The following NAALADL2 variants were observed in gnomAD, a reference collection of about 807,000 sequenced individuals.
NAALADL2 encodes inactive N-acetylated-alpha-linked acidic dipeptidase-like protein 2.
A neutral mutation model predicts 87.2 loss-of-function variants in NAALADL2; 76 were observed. The observed-to-expected ratio is 0.87, with a 90% CI of 0.72 to 1.05. The LOEUF is 1.05. Among genes scored for constraint, NAALADL2 ranks in the 50% least tolerant of loss-of-function variants. The pLI is 0.00. For missense variants in NAALADL2, 1,089 were observed against 945.8 expected, an observed-to-expected ratio of 1.15 and a Z score of -1.99; for synonymous variants, 354 against 331.0, an observed-to-expected ratio of 1.07 and a Z score of -0.75.
chr3:175,362,030 G>A (rs1419359324), intron 5 of NAALADL2, among the ~76,000 whole-genome samples: 1 of 148,048 alleles, frequency 6.8e-6, no homozygotes, highest in African/African-American at 2.5e-5. Context: ...AATCCATCTT[G>A]AATTAATTTT....
chr3:174,696,843 A>G (rs1729065851), intron 2 of NAALADL2, among the ~76,000 whole-genome samples: 1 of 152,038 alleles, frequency 6.6e-6, no homozygotes, highest in Non-Finnish European at 1.5e-5. Context: ...TTAACTCCTC[A>G]ACATGGCTCA....
At chr3:175,017,659 A>G (rs1018495482) in intron 1 of NAALADL2, among the ~76,000 whole-genome samples, 5 of 152,104 alleles carry the variant, frequency 3.3e-5, no homozygotes, top group African/African-American at 1.2e-4. Flanking sequence ...CTAAAAATAG[A>G]AATATGCCAG....
chr3:175,423,051 A>ATATATATATATATTT (rs1458599872), intron 5 of NAALADL2, among the ~76,000 whole-genome samples: 3 of 91,510 alleles, frequency 3.3e-5, no homozygotes, highest in African/African-American at 1.3e-4. Flanking sequence ...ATATATATAT[A>ATATATATATATATTT]TTTTTTTTTT....
At chr3:175,340,934 G>A (rs1277524996) in intron 5 of NAALADL2, among the ~76,000 whole-genome samples, 10 of 151,940 alleles carry the variant, frequency 6.6e-5, no homozygotes, top group Middle Eastern at 3.4e-3. Flanking sequence ...AATGAGATTC[G>A]GCTGAGGTGG....
intron 2 of NAALADL2, among the ~76,000 whole-genome samples, chr3:175,119,361 T>G (rs927176884): frequency 4.6e-5 from 7 of 151,702 alleles, no homozygotes; most frequent in Non-Finnish European, 7.4e-5. Flanking sequence ...GAAGGATTAT[T>G]CCAGCCAGAG....
chr3:174,935,599 C>T (rs1737572302), intron 1 of NAALADL2, among the ~76,000 whole-genome samples: 2 of 152,014 alleles, frequency 1.3e-5, no homozygotes, highest in African/African-American at 2.4e-5. Context: ...CAGACAGACA[C>T]ACACTAAGCT....
intron 2 of NAALADL2, among the ~76,000 whole-genome samples, chr3:174,640,936 C>T (rs1486400248): frequency 6.6e-6 from 1 of 152,200 alleles, no homozygotes; most frequent in African/African-American, 2.4e-5. Context: ...GCCTGTTGTG[C>T]TCTTTCCCGG....
At chr3:175,049,647 G>C (rs1324285172) in intron 1 of NAALADL2, among the ~76,000 whole-genome samples, 1 of 152,100 alleles carries the variant, frequency 6.6e-6, no homozygotes, top group Admixed American at 6.5e-5. Context: ...AAATACCAGA[G>C]TTTTTTCCTG....
chr3:175,516,137 G>A lies in NAALADL2; in HGVS notation c.1653+44379G>A, dbSNP rs114999780. The stretch of plus-strand genomic sequence containing the variant: ...AGGAAACAAAGTCTCAAAGCTGCAT[G>A]GAATGTGTGGTAATTGCTGAGGCCA... On this transcript the variant is annotated intron_variant, in intron 9 of 13. Coordinates refer to ENST00000454872, the MANE Select transcript of NAALADL2 (RefSeq NM_207015.3). Among the ~76,000 whole-genome samples the A allele has an allele frequency of 3.9e-3, 598 of 152,290 alleles. 5 individuals carry two copies. The highest frequency in any genetic ancestry group is 0.013 in the African/African-American group (542 of 41,554).
intron 5 of NAALADL2, among the ~76,000 whole-genome samples, chr3:175,352,972 T>C (rs77262574): frequency 0.031 from 4,664 of 152,218 alleles, 254 homozygotes; most frequent in African/African-American, 0.11. Flanking sequence ...TCTTCAGCTA[T>C]TGTTTTCTTG....
intron 13 of NAALADL2, among the ~76,000 whole-genome samples, chr3:175,769,784 C>T (rs1224677308): frequency 6.6e-6 from 1 of 151,786 alleles, no homozygotes; most frequent in Non-Finnish European, 1.5e-5. Context: ...TTTTAAGGAA[C>T]TGGTTCATAT....
intron 11 of NAALADL2, among the ~76,000 whole-genome samples, chr3:175,660,868 C>T (rs1453627755): frequency 6.6e-6 from 1 of 152,026 alleles, no homozygotes; most frequent in Non-Finnish European, 1.5e-5. Context: ...TAATATTTCA[C>T]TGTGTATATA....
chr3:174,491,989 G>T lies in NAALADL2; in HGVS notation c.-184+50957G>T, dbSNP rs555845513. Among the ~76,000 whole-genome samples the T allele has an allele frequency of 2.2e-3, 338 of 152,136 alleles. 1 individual carries two copies. Among genetic ancestry groups the T allele is most frequent in the African/African-American group, 7.6e-3 (316 of 41,502 alleles). On this transcript the variant is annotated intron_variant, in intron 1 of 3. Coordinates refer to the NAALADL2 transcript ENST00000434257. ...GTGACTTTAAAATTGATTAGTTCAG[G>T]CCAGGCACGGTGGCTCATGCCTGTA...
At chr3:175,472,703 A>G (rs763821430) in intron 9 of NAALADL2, among the ~76,000 whole-genome samples, 1 of 152,166 alleles carries the variant, frequency 6.6e-6, no homozygotes, top group Non-Finnish European at 1.5e-5. Flanking sequence ...AATAGTTTTT[A>G]TTGGCATTTC....
chr3:175,403,549 A>G (rs1711753380), intron 5 of NAALADL2, among the ~76,000 whole-genome samples: 1 of 152,044 alleles, frequency 6.6e-6, no homozygotes, highest in Non-Finnish European at 1.5e-5. Context: ...TTTTCCGCCC[A>G]CTTTATTTTA....
At chr3:175,278,480 T>C (rs940681064) in intron 4 of NAALADL2, among the ~76,000 whole-genome samples, 7 of 152,218 alleles carry the variant, frequency 4.6e-5, no homozygotes, top group Admixed American at 4.6e-4. Context: ...TCTTAGCCAG[T>C]GTATGATTAG....
rs574982536 is a variant in NAALADL2, at chr3:175,211,157, G to A, written c.546-22774G>A. ...TAAAGCTTTTGGGATGAGAGAAGGT[G>A]GGGGCATTGCTTCAATCTAAAGTGA... On this transcript the variant is annotated intron_variant, in intron 2 of 13. Coordinates refer to ENST00000454872, the MANE Select transcript of NAALADL2 (RefSeq NM_207015.3). Among the ~76,000 whole-genome samples, 29 of 151,878 alleles carry A rather than the reference G, an allele frequency of 1.9e-4. No homozygotes were observed. The South Asian group carries it at 6.0e-3, about 32-fold the overall frequency.
chr3:174,644,538 G>C (rs1723583768), intron 2 of NAALADL2, among the ~76,000 whole-genome samples: 1 of 151,808 alleles, frequency 6.6e-6, no homozygotes, highest in African/African-American at 2.4e-5. Flanking sequence ...AAACCATGTA[G>C]TTTAAACCCA....
At chr3:175,618,590 G>C (rs1361175650) in intron 10 of NAALADL2, among the ~76,000 whole-genome samples, 1 of 152,086 alleles carries the variant, frequency 6.6e-6, no homozygotes, top group Non-Finnish European at 1.5e-5. Flanking sequence ...GGCTGAAGAA[G>C]GTTGCTTATT....
Sources: gnomAD v4.1 joint callset for allele counts (sites outside exome capture counted in the v4.1 genomes callset) on GRCh38, gnomAD v4.1.1 for gene constraint, MANE v1.5 for transcripts, NCBI Gene and HGNC (gene_info 2026-07-23, HGNC 2026-07-21) for gene names.